The following EPHA6 variants were observed in gnomAD, a reference collection of about 807,000 sequenced individuals.
EPHA6 encodes ephrin type-A receptor 6.
Under a neutral mutation model 112.0 loss-of-function variants are expected in EPHA6, and 50 were observed. That is an observed-to-expected ratio of 0.45 (90% confidence interval 0.36 to 0.56). The LOEUF is 0.56. EPHA6 is among the 20% of genes least tolerant of loss of function. The probability of loss-of-function intolerance (pLI) is 0.00; values close to 1 mark genes in which losing one functional copy is unlikely to be tolerated. For synonymous variants in EPHA6, 529 were observed against 490.7 expected (o/e 1.08, Z -1.03); for missense variants, 1,280 against 1,417.4 (o/e 0.90, Z 1.56).
intron 15 of EPHA6, among the ~76,000 whole-genome samples, chr3:97,721,309 A>C (rs1301652244): frequency 6.6e-6 from 1 of 152,154 alleles, no homozygotes; most frequent in African/African-American, 2.4e-5. Flanking sequence ...ACACACCTCC[A>C]CACCTCATAC....
chr3:97,190,101 A>G (rs2077262433), intron 3 of EPHA6, among the ~76,000 whole-genome samples: 1 of 152,242 alleles, frequency 6.6e-6, no homozygotes, highest in South Asian at 2.1e-4. Context: ...AGAAACGTCC[A>G]TGAGAGTTTG....
At chr3:97,064,501 A>C (rs1576420610) in intron 3 of EPHA6, among the ~76,000 whole-genome samples, 1 of 152,300 alleles carries the variant, frequency 6.6e-6, no homozygotes, top group Non-Finnish European at 1.5e-5. Flanking sequence ...GCAAGCTTCA[A>C]GAGATCAGAG....
intron 6 of EPHA6, among the ~76,000 whole-genome samples, chr3:97,432,005 C>G (rs1387955432): frequency 1.3e-5 from 2 of 152,086 alleles, no homozygotes; most frequent in African/African-American, 4.8e-5. Flanking sequence ...TACAACTAGT[C>G]AACTGGTCTT....
chr3:96,892,950 A>ATGTGTG lies in EPHA6; in HGVS notation c.450+26062_450+26063insGTGTGT, dbSNP rs1398094685. 7.3e-3 allele frequency among the ~76,000 whole-genome samples: 1,001 copies of ATGTGTG among 136,370 alleles called. 14 individuals carry two copies. Among genetic ancestry groups the ATGTGTG allele is most frequent in the African/African-American group, 0.032 (920 of 29,118 alleles). The allele number at this position is 136,370 out of a possible 152,430, so 89.5% of individuals were successfully genotyped here. ...TAGCCTGATTCCAACTTATATATAT[A>ATGTGTG]TATATGTGTGTGTGTGTGTGTGTGT... On this transcript the variant is annotated intron_variant, in intron 2 of 17. Coordinates refer to ENST00000389672, the MANE Select transcript of EPHA6 (RefSeq NM_001080448.3).
At chr3:96,896,040 A>T (rs769364102) in intron 2 of EPHA6, among the ~76,000 whole-genome samples, 3 of 152,216 alleles carry the variant, frequency 2.0e-5, no homozygotes, top group Admixed American at 6.5e-5. Flanking sequence ...TGTTTGCACA[A>T]TGATGAAATC....
intron 2 of EPHA6, among the ~76,000 whole-genome samples, chr3:96,923,484 T>G (rs1461321121): frequency 1.3e-5 from 2 of 150,082 alleles, no homozygotes; most frequent in African/African-American, 2.5e-5. Context: ...TATTTAAGGT[T>G]TTTTTTTTTC....
intron 3 of EPHA6, among the ~76,000 whole-genome samples, chr3:97,088,158 T>G (rs748433513): frequency 2.6e-5 from 4 of 152,014 alleles, no homozygotes; most frequent in Non-Finnish European, 4.4e-5. Flanking sequence ...TCCAGCCTGG[T>G]GACAGAGCAA....
At position 97,549,248 on chromosome 3, in the gene EPHA6, G is replaced by A. The variant is rs143221074; in HGVS notation, c.2386+16705G>A. Reference sequence around the variant, plus strand: ...GTGTTTACTGCCTCTTGTTTACATCGTATTCTCTTGTGCTTGATTTAATCT... The same window carrying A: ...GTGTTTACTGCCTCTTGTTTACATCATATTCTCTTGTGCTTGATTTAATCT... On this transcript the variant is annotated intron_variant, in intron 11 of 17. Coordinates refer to ENST00000389672, the MANE Select transcript of EPHA6 (RefSeq NM_001080448.3). Among the ~76,000 whole-genome samples, 655 of 152,144 alleles carry A rather than the reference G, an allele frequency of 4.3e-3. 6 individuals carry two copies. Among genetic ancestry groups the A allele is most frequent in the African/African-American group, 0.015 (631 of 41,506 alleles).
chr3:97,208,229 C>G (rs1439803190), intron 3 of EPHA6, among the ~76,000 whole-genome samples: 1 of 152,084 alleles, frequency 6.6e-6, no homozygotes, highest in East Asian at 1.9e-4. Context: ...ATAGAAGATG[C>G]TATTCCAGTT....
chr3:97,335,547 G>C (rs1043138237), intron 5 of EPHA6, among the ~76,000 whole-genome samples: 5 of 152,150 alleles, frequency 3.3e-5, no homozygotes, highest in African/African-American at 1.2e-4. Context: ...AGAATTACCT[G>C]TTCCTTTATG....
intron 10 of EPHA6, among the ~76,000 whole-genome samples, chr3:97,491,021 A>G (rs575686135): frequency 6.6e-6 from 1 of 152,198 alleles, no homozygotes; most frequent in African/African-American, 2.4e-5. Flanking sequence ...GGCATCTCCA[A>G]CGTGGCAGCT....
At chr3:97,411,551 T>G (rs547515654) in intron 6 of EPHA6, among the ~76,000 whole-genome samples, 1 of 152,232 alleles carries the variant, frequency 6.6e-6, no homozygotes, top group African/African-American at 2.4e-5. Flanking sequence ...TATTAAAGAT[T>G]TGTATATCCA....
chr3:97,564,054 G>A (rs1341876777), intron 11 of EPHA6, among the ~76,000 whole-genome samples: 1 of 152,050 alleles, frequency 6.6e-6, no homozygotes, highest in African/African-American at 2.4e-5. Flanking sequence ...AATGTTGATG[G>A]AGCAATTAAT....
chr3:97,737,938 G>A (rs1357048265), intron 16 of EPHA6, among the ~76,000 whole-genome samples: 5 of 152,080 alleles, frequency 3.3e-5, no homozygotes, highest in African/African-American at 1.2e-4. Context: ...CAGTATCATA[G>A]AAGCCAAAAG....
At chr3:97,282,562 A>G (rs988667060) in intron 5 of EPHA6, among the ~76,000 whole-genome samples, 4 of 152,192 alleles carry the variant, frequency 2.6e-5, no homozygotes, top group African/African-American at 4.8e-5. Context: ...CACCATTCGC[A>G]ATAGCAAAGA....
At chr3:97,616,827 G>A (rs187101810) in intron 13 of EPHA6, among the ~76,000 whole-genome samples, 119 of 152,110 alleles carry the variant, frequency 7.8e-4, no homozygotes, top group South Asian at 1.3e-3. Context: ...GAAAGAGATG[G>A]GGAGAATGGA....
At chr3:97,350,462 G>C (rs1049005376) in intron 5 of EPHA6, among the ~76,000 whole-genome samples, 2 of 151,902 alleles carry the variant, frequency 1.3e-5, no homozygotes, top group Non-Finnish European at 2.9e-5. Context: ...CAAATATAGT[G>C]GTCCTAAGAA....
chr3:97,472,824 G>A (rs923303892), intron 7 of EPHA6, among the ~76,000 whole-genome samples: 7 of 151,758 alleles, frequency 4.6e-5, no homozygotes, highest in East Asian at 1.9e-4. Flanking sequence ...AACCAAAACC[G>A]CTAGATCTAG....
At chr3:97,539,484 TGAA>T (rs1481357839) in intron 11 of EPHA6, among the ~76,000 whole-genome samples, 9 of 152,090 alleles carry the variant, frequency 5.9e-5, no homozygotes, top group African/African-American at 2.2e-4. Flanking sequence ...TGTTCAGTAA[TGAA>T]TAAGAAAGCC....
Sources: allele counts gnomAD v4.1 joint callset (sites outside exome capture counted in the v4.1 genomes callset), GRCh38; gene constraint gnomAD v4.1.1; transcripts MANE v1.5; gene names NCBI Gene and HGNC (gene_info 2026-07-23, HGNC 2026-07-21).